The following PJA2 variants were observed in gnomAD, a reference collection of about 807,000 sequenced individuals.
The protein encoded by PJA2 is E3 ubiquitin-protein ligase Praja-2.
PJA2 carries 25 observed loss-of-function variants against 69.3 expected under a neutral mutation model. The ratio of observed to expected loss-of-function variants is 0.36; its 90% CI spans 0.26 to 0.50. PJA2 has a LOEUF of 0.50. Among genes scored for constraint, PJA2 ranks in the 20% least tolerant of loss-of-function variants. PJA2 has a pLI of 0.96. For synonymous variants in PJA2, 308 were observed against 277.8 expected (o/e 1.11, Z -1.08); for missense variants, 809 against 830.2 (o/e 0.97, Z 0.31).
intron 9 of PJA2, among the ~76,000 whole-genome samples, chr5:109,341,361 G>T (rs1221088842): frequency 6.7e-6 from 1 of 149,468 alleles, no homozygotes; most frequent in African/African-American, 2.5e-5. Flanking sequence ...GAGCATCTCT[G>T]CCCGGCCGCC....
chr5:109,384,515 T>C (rs1747117600), intron 1 of PJA2, among the ~76,000 whole-genome samples: 1 of 152,228 alleles, frequency 6.6e-6, no homozygotes, highest in Non-Finnish European at 1.5e-5. Flanking sequence ...GTTAAGTTTT[T>C]ATTTAAACAC....
chr5:109,398,966 C>T (rs569668885), intron 1 of PJA2, among the ~76,000 whole-genome samples: 1 of 151,926 alleles, frequency 6.6e-6, no homozygotes, highest in Non-Finnish European at 1.5e-5. Context: ...AATCCCAGCA[C>T]TTTGGGAGGC....
chr5:109,399,861 G>A (rs1747500394), intron 1 of PJA2, among the ~76,000 whole-genome samples: 1 of 152,114 alleles, frequency 6.6e-6, no homozygotes, highest in Admixed American at 6.5e-5. Context: ...ACAAAGGTAG[G>A]AACATGCATC....
intron 2 of PJA2, among the ~76,000 whole-genome samples, chr5:109,382,684 C>A (rs1020171860): frequency 2.6e-5 from 4 of 152,030 alleles, no homozygotes; most frequent in Admixed American, 2.6e-4. Flanking sequence ...CCCGTCTCTA[C>A]TAAAAATACA....
At chr5:109,404,591 T>C (rs1328874128) in intron 1 of PJA2, among the ~76,000 whole-genome samples, 1 of 152,122 alleles carries the variant, frequency 6.6e-6, no homozygotes, top group Non-Finnish European at 1.5e-5. Context: ...ATCAAGGTGC[T>C]GGTAGATTCA....
intron 1 of PJA2, among the ~76,000 whole-genome samples, chr5:109,398,231 A>T (rs1033293662): frequency 6.6e-6 from 1 of 152,172 alleles, no homozygotes. Context: ...TTCCTCAAGG[A>T]TCTAGAATTA....
chr5:109,390,798 A>G (rs930583008), intron 1 of PJA2: 4 of 152,076 alleles, frequency 2.6e-5, no homozygotes, highest in African/African-American at 7.2e-5. Context: ...ATGCTGGATG[A>G]TATTTCCTAG....
chr5:109,356,985 A>G (rs1364399864), intron 6 of PJA2, among the ~76,000 whole-genome samples: 1 of 152,156 alleles, frequency 6.6e-6, no homozygotes, highest in Non-Finnish European at 1.5e-5. Context: ...TCAAAAATTG[A>G]AAACCGTTAA....
At chr5:109,386,573 T>TGTGGAAG (rs1226769652) in intron 1 of PJA2, among the ~76,000 whole-genome samples, 1 of 152,226 alleles carries the variant, frequency 6.6e-6, no homozygotes, top group African/African-American at 2.4e-5. Context: ...ATTAATCAGC[T>TGTGGAAG]ACTTCTGTGG....
At chr5:109,383,874 C>A (rs1304023941) in intron 1 of PJA2, among the ~76,000 whole-genome samples, 2 of 152,108 alleles carry the variant, frequency 1.3e-5, no homozygotes, top group African/African-American at 2.4e-5. Context: ...CTGCAGTGAG[C>A]CGAGATCATG....
intron 2 of PJA2, 53 bp from the exon 3 acceptor site, chr5:109,381,756 G>C (rs1747053685): frequency 6.6e-7 from 1 of 1,504,512 alleles, no homozygotes; most frequent in African/African-American, 1.4e-5. Flanking sequence ...CTTTATTCTT[G>C]CAACCTGTTG....
At position 109,354,380 on chromosome 5, in the gene PJA2, TTAGATA is replaced by T. The variant is rs1390508158; in HGVS notation, c.1764+1529_1764+1534del. On this transcript the variant is annotated intron_variant, in intron 7 of 9. Coordinates refer to ENST00000361189, the MANE Select transcript of PJA2 (RefSeq NM_014819.5). The stretch of plus-strand genomic sequence containing the variant: ...ATCTATATCTAGAGATATCTATAGA[TTAGATA>T]TCTCTGATATCTAGAGATATCTATA... Among the ~76,000 whole-genome samples the T allele has an allele frequency of 4.4e-4, 61 of 137,436 alleles. 5 individuals are homozygous for T. Among genetic ancestry groups the T allele is most frequent in the South Asian group, 2.5e-3 (11 of 4,430 alleles). 90.2% of individuals were successfully genotyped at this position (137,436 alleles called of 152,430 possible).
At position 109,378,424 on chromosome 5, in the gene PJA2, T is replaced by C. The variant is rs759189267; in HGVS notation, c.1063A>G (p.Ser355Gly). Residue 355 changes from serine (S) to glycine (G), a missense_variant, in exon 4 of 10, where the codon AGT (serine) becomes GGT (glycine). Physicochemically the swap from Ser to Gly is moderately conservative, Grantham distance 56. Coordinates refer to ENST00000361189, the MANE Select transcript of PJA2 (RefSeq NM_014819.5). ...RWREALEVEE[S>G]GSDDLLIKCE... ...TTTATTAAGAGGTCATCTGAGCCAC[T>C]TTCCTCAACTTCCAAAGCCTCTCTC... The C allele has an allele frequency of 5.0e-6, 8 of 1,614,054 alleles. No homozygotes were observed. The highest frequency in any genetic ancestry group is 3.3e-5 in the South Asian group (3 of 91,086).
chr5:109,404,844 C>T (rs555216269), intron 1 of PJA2, among the ~76,000 whole-genome samples: 1 of 152,308 alleles, frequency 6.6e-6, no homozygotes, highest in Non-Finnish European at 1.5e-5. Flanking sequence ...CTCTATCACA[C>T]TCAATAATGA....
chr5:109,383,511 C>G lies in PJA2; in HGVS notation c.-78G>C. 8.6e-7 allele frequency: 1 copy of G among 1,160,610 alleles called. No individual in the cohort carries two copies. Among genetic ancestry groups the G allele is most frequent in the Non-Finnish European group, 1.3e-6 (1 of 795,974 alleles). The allele number at this position is 1,160,610 out of a possible 1,614,324, so 71.9% of individuals were successfully genotyped here. A position where few individuals can be genotyped will look rare whatever the true frequency, so the allele number is the denominator to read the frequency against. On this transcript the variant is annotated 5_prime_UTR_variant, in exon 2 of 10. Transcript: ENST00000361189. ...TTTTATTCACACTATGGACAAGCCG[C>G]AGAAGATTCCTACAAAGAAACAATG...
intron 6 of PJA2, among the ~76,000 whole-genome samples, chr5:109,359,820 AT>A (rs2126997258): frequency 6.6e-6 from 1 of 152,336 alleles, no homozygotes; most frequent in Admixed American, 6.5e-5. Context: ...ATTATATAAT[AT>A]TGTATCAGCA....
Position 109,362,854 on chromosome 5 carries a change from T to G in PJA2, c.1638A>C (p.Leu546Phe). The change falls in exon 6 of 10, where the codon TTA becomes TTC. Residue 546 changes from leucine to phenylalanine, a missense_variant. By Grantham distance (22) the Leu-to-Phe change is conservative. Transcript: ENST00000361189. Reference sequence around the variant, plus strand: ...GTGCTACATACCTCCAATCCACATCTAAGTCTTCACTCACACTGGAGTCAT... The same window carrying G: ...GTGCTACATACCTCCAATCCACATCGAAGTCTTCACTCACACTGGAGTCAT... ...LEDDSSVSED[L>F]DVDWSLFDGF... The G allele has an allele frequency of 6.2e-7, 1 of 1,608,406 alleles. No homozygotes were observed. Among genetic ancestry groups the G allele is most frequent in the African/African-American group, 1.3e-5 (1 of 75,006 alleles).
chr5:109,380,537 A>G (rs1196226436), intron 3 of PJA2, among the ~76,000 whole-genome samples: 1 of 152,120 alleles, frequency 6.6e-6, no homozygotes, highest in African/African-American at 2.4e-5. Context: ...GCCGGGCACA[A>G]TGGCCCATGT....
At chr5:109,401,155 G>C (rs1448376145) in intron 1 of PJA2, among the ~76,000 whole-genome samples, 1 of 152,110 alleles carries the variant, frequency 6.6e-6, no homozygotes, top group African/African-American at 2.4e-5. Context: ...GTAGTGGCGG[G>C]AGCCTGTGAT....
Sources: gnomAD v4.1 joint callset for allele counts (sites outside exome capture counted in the v4.1 genomes callset) on GRCh38, gnomAD v4.1.1 for gene constraint, MANE v1.5 for transcripts, NCBI Gene and HGNC (gene_info 2026-07-23, HGNC 2026-07-21) for gene names.